ADGRL3: variants seen among roughly 807,000 people sequenced by gnomAD.
The protein encoded by ADGRL3 is adhesion G protein-coupled receptor L3.
Under a neutral mutation model 153.5 loss-of-function variants are expected in ADGRL3, and 62 were observed. The observed-to-expected ratio is 0.40, with a 90% CI of 0.33 to 0.50. The LOEUF is 0.50. ADGRL3 is among the 20% of genes least tolerant of loss of function. The pLI, the probability that ADGRL3 is intolerant of heterozygous loss-of-function variation, is 0.47. For synonymous variants in ADGRL3, 710 were observed against 672.5 expected (o/e 1.06, Z -0.86); for missense variants, 1,641 against 1,859.4 (o/e 0.88, Z 2.16).
At chr4:61,842,818 A>G (rs1232558247) in intron 9 of ADGRL3, among the ~76,000 whole-genome samples, 2 of 152,194 alleles carry the variant, frequency 1.3e-5, no homozygotes, top group Non-Finnish European at 2.9e-5. Flanking sequence ...AATTTCATTG[A>G]AAAGATCAAC....
intron 5 of ADGRL3, among the ~76,000 whole-genome samples, chr4:61,597,024 A>T (rs929633146): frequency 2.6e-5 from 4 of 151,816 alleles, no homozygotes; most frequent in Admixed American, 6.6e-5. Context: ...GTAAAAGTGA[A>T]GTGTGTTTTT....
At chr4:61,604,505 A>G (rs1263529758) in intron 5 of ADGRL3, among the ~76,000 whole-genome samples, 1 of 152,222 alleles carries the variant, frequency 6.6e-6, no homozygotes, top group African/African-American at 2.4e-5. Context: ...TTAACATTGT[A>G]TAATATGACT....
intron 9 of ADGRL3, among the ~76,000 whole-genome samples, chr4:61,829,944 A>G (rs1258055987): frequency 6.6e-6 from 1 of 151,884 alleles, no homozygotes; most frequent in Non-Finnish European, 1.5e-5. Flanking sequence ...TGGCAGGAGG[A>G]TCTCTTGAGA....
intron 1 of ADGRL3, among the ~76,000 whole-genome samples, chr4:61,370,673 G>C (rs1365219167): frequency 6.6e-6 from 1 of 151,868 alleles, no homozygotes; most frequent in Non-Finnish European, 1.5e-5. Flanking sequence ...TTTGGAATAG[G>C]TGTGGTATGG....
intron 1 of ADGRL3, among the ~76,000 whole-genome samples, chr4:61,332,377 C>T (rs1288596096): frequency 6.6e-6 from 1 of 152,132 alleles, no homozygotes; most frequent in Non-Finnish European, 1.5e-5. Flanking sequence ...GGACCAGTTA[C>T]TTCAATCTTC....
At chr4:61,837,344 G>A (rs1421416584) in intron 9 of ADGRL3, among the ~76,000 whole-genome samples, 8 of 152,162 alleles carry the variant, frequency 5.3e-5, no homozygotes, top group Admixed American at 5.2e-4. Context: ...GCTCAGTGGT[G>A]AGTAACTTAT....
chr4:61,923,094 A>G (rs2098777798), intron 13 of ADGRL3, among the ~76,000 whole-genome samples: 1 of 152,176 alleles, frequency 6.6e-6, no homozygotes, highest in Admixed American at 6.5e-5. Flanking sequence ...GTGGTTGGAG[A>G]GTTCAGGGAA....
chr4:61,872,650 T>A (rs1435716500), intron 9 of ADGRL3, among the ~76,000 whole-genome samples: 2 of 144,160 alleles, frequency 1.4e-5, no homozygotes, highest in African/African-American at 5.2e-5. Context: ...AATGTTAACC[T>A]TGTTTAAAAA....
At chr4:61,430,490 A>G (rs1390529027) in intron 2 of ADGRL3, among the ~76,000 whole-genome samples, 1 of 152,206 alleles carries the variant, frequency 6.6e-6, no homozygotes, top group African/African-American at 2.4e-5. Context: ...TACAGAGAGT[A>G]AGACACTGTA....
rs111299511 is a variant in ADGRL3, at chr4:61,566,791, G to A, written c.260-20436G>A. 8.0e-4 allele frequency among the ~76,000 whole-genome samples: 122 copies of A among 152,088 alleles called. 1 individual carries two copies. Among genetic ancestry groups the A allele is most frequent in the African/African-American group, 2.9e-3 (120 of 41,494 alleles). The stretch of plus-strand genomic sequence containing the variant: ...TACACATTTACTATTTTTAGAATAT[G>A]CTTATGTAGTTTTATTGCTCCTTTT... On this transcript the variant is annotated intron_variant, in intron 4 of 26. Coordinates refer to ENST00000683033, the MANE Select transcript of ADGRL3 (RefSeq NM_001387552.1).
intron 8 of ADGRL3, among the ~76,000 whole-genome samples, chr4:61,742,097 G>A (rs2096587451): frequency 6.6e-6 from 1 of 152,138 alleles, no homozygotes; most frequent in Non-Finnish European, 1.5e-5. Context: ...GTTGGTAACA[G>A]TGCCAAAAGT....
intron 1 of ADGRL3, among the ~76,000 whole-genome samples, chr4:61,313,236 T>C (rs1197043384): frequency 3.9e-5 from 6 of 152,058 alleles, no homozygotes; most frequent in Admixed American, 3.9e-4. Context: ...TGCCAGAGGA[T>C]CATGGGGAGA....
At chr4:61,632,545 T>C (rs1330725430) in intron 5 of ADGRL3, among the ~76,000 whole-genome samples, 1 of 152,198 alleles carries the variant, frequency 6.6e-6, no homozygotes, top group East Asian at 1.9e-4. Flanking sequence ...TCATGCCTGT[T>C]AAGTTCATGA....
At chr4:61,688,229 T>G (rs2095480109) in intron 6 of ADGRL3, among the ~76,000 whole-genome samples, 1 of 152,148 alleles carries the variant, frequency 6.6e-6, no homozygotes, top group Non-Finnish European at 1.5e-5. Flanking sequence ...TGGCTGTTTC[T>G]TAGTATATCT....
At chr4:61,745,059 G>A (rs187367874) in intron 8 of ADGRL3, among the ~76,000 whole-genome samples, 10 of 152,336 alleles carry the variant, frequency 6.6e-5, no homozygotes, top group Non-Finnish European at 1.2e-4. Context: ...CGAGAACTAT[G>A]TGAAGAATGC....
intron 25 of ADGRL3, among the ~76,000 whole-genome samples, chr4:62,064,277 AG>A (rs1741764861): frequency 6.6e-6 from 1 of 151,122 alleles, no homozygotes; most frequent in South Asian, 2.1e-4. Flanking sequence ...AAGGCTTTTG[AG>A]TATGGTTCCT....
chr4:61,766,484 G>A (rs577324535), intron 8 of ADGRL3, among the ~76,000 whole-genome samples: 2 of 151,848 alleles, frequency 1.3e-5, no homozygotes, highest in Non-Finnish European at 2.9e-5. Context: ...TTCTGACCTC[G>A]CTAACCATGC....
At chr4:61,560,896 G>A (rs2098792416) in intron 4 of ADGRL3, among the ~76,000 whole-genome samples, 1 of 152,032 alleles carries the variant, frequency 6.6e-6, no homozygotes, top group Non-Finnish European at 1.5e-5. Flanking sequence ...TTTGTTTAAG[G>A]TTGTAGCTAT....
intron 13 of ADGRL3, among the ~76,000 whole-genome samples, chr4:61,926,977 G>A (rs890438349): frequency 5.3e-5 from 8 of 152,076 alleles, no homozygotes; most frequent in Non-Finnish European, 1.2e-4. Context: ...TTTGTTCAGC[G>A]TTGAGTTTCA....
Sources: allele counts gnomAD v4.1 joint callset (sites outside exome capture counted in the v4.1 genomes callset), GRCh38; gene constraint gnomAD v4.1.1; transcripts MANE v1.5; gene names NCBI Gene and HGNC (gene_info 2026-07-23, HGNC 2026-07-21).